The following MARCHF1 variants were observed in gnomAD, a reference collection of about 807,000 sequenced individuals.
MARCHF1 encodes the protein membrane associated ring-CH-type finger 1.
In MARCHF1, 40 loss-of-function variants were observed where a neutral mutation model predicts 54.2. That is an observed-to-expected ratio of 0.74 (90% CI 0.57 to 0.96). The LOEUF (loss-of-function observed/expected upper bound fraction) is 0.96. Among genes scored for constraint, MARCHF1 ranks in the 40% least tolerant of loss-of-function variants. MARCHF1 has a pLI of 0.00. For synonymous variants in MARCHF1, 236 were observed against 236.3 expected (o/e 1.00, Z 0.01); for missense variants, 586 against 656.5 (o/e 0.89, Z 1.17).
chr4:164,313,742 A>G (rs1734927779), intron 1 of MARCHF1, among the ~76,000 whole-genome samples: 1 of 152,180 alleles, frequency 6.6e-6, no homozygotes, highest in Non-Finnish European at 1.5e-5. Flanking sequence ...TAGATTTCCT[A>G]ACTCAGTGGA....
intron 5 of MARCHF1, among the ~76,000 whole-genome samples, chr4:163,679,937 G>A (rs1298408949): frequency 6.6e-6 from 1 of 151,000 alleles, no homozygotes; most frequent in Non-Finnish European, 1.5e-5. Context: ...TTTTACTTGG[G>A]CCAGCTGCAA....
intron 2 of MARCHF1, among the ~76,000 whole-genome samples, chr4:164,030,555 G>T (rs1753856547): frequency 6.6e-6 from 1 of 152,124 alleles, no homozygotes; most frequent in South Asian, 2.1e-4. Context: ...AACCATAAAT[G>T]ACATATATGA....
At chr4:164,332,415 T>G (rs1490805762) in intron 1 of MARCHF1, among the ~76,000 whole-genome samples, 1 of 152,196 alleles carries the variant, frequency 6.6e-6, no homozygotes, top group Non-Finnish European at 1.5e-5. Flanking sequence ...TAAATTTAGC[T>G]CAGGAAATGG....
chr4:164,170,667 G>A (rs1730501395), intron 1 of MARCHF1, among the ~76,000 whole-genome samples: 1 of 152,108 alleles, frequency 6.6e-6, no homozygotes, highest in Non-Finnish European at 1.5e-5. Flanking sequence ...ATTTTGGTGG[G>A]AGAAGCCTTC....
intron 2 of MARCHF1, among the ~76,000 whole-genome samples, chr4:164,103,092 C>T (rs1755608529): frequency 3.2e-5 from 2 of 62,088 alleles, no homozygotes; most frequent in South Asian, 5.4e-4. Flanking sequence ...GCACCCAATA[C>T]AGGAGCACCC....
chr4:164,383,501 T>C (rs1291780603), intron 1 of MARCHF1: 1 of 152,304 alleles, frequency 6.6e-6, no homozygotes, highest in African/African-American at 2.4e-5. Context: ...GCTCCGTGAC[T>C]AGTACCACGC....
chr4:163,661,122 A>G (rs1226661326), intron 5 of MARCHF1, among the ~76,000 whole-genome samples: 2 of 151,930 alleles, frequency 1.3e-5, no homozygotes, highest in Non-Finnish European at 2.9e-5. Context: ...TCCCTTGCCC[A>G]TCCATCTCTT....
At chr4:163,848,930 G>A (rs1749567581) in intron 4 of MARCHF1, among the ~76,000 whole-genome samples, 1 of 152,162 alleles carries the variant, frequency 6.6e-6, no homozygotes, top group African/African-American at 2.4e-5. Flanking sequence ...TAAAACGGCG[G>A]TGAGACTGGC....
At chr4:164,118,442 A>T (rs1285650524) in intron 1 of MARCHF1, among the ~76,000 whole-genome samples, 2 of 151,020 alleles carry the variant, frequency 1.3e-5, no homozygotes, top group Admixed American at 1.3e-4. Context: ...TATTTGTATA[A>T]ACATATAAAT....
At chr4:164,197,215 T>C (rs2111070354) in intron 1 of MARCHF1, 1 of 1,610,160 alleles carries the variant, frequency 6.2e-7, no homozygotes. Flanking sequence ...ACCCTCCTCC[T>C]CGTCATCCAG....
rs202173727 is a variant in MARCHF1, at chr4:163,720,471, G to A, written c.112-19608C>T. 7.6e-3 allele frequency among the ~76,000 whole-genome samples: 1,154 copies of A among 151,688 alleles called. 1 individual carries two copies. The highest frequency in any genetic ancestry group is 0.01 in the Admixed American group (159 of 15,238). On this transcript the variant is annotated intron_variant, in intron 4 of 9. Coordinates refer to ENST00000514618, the MANE Select transcript of MARCHF1 (RefSeq NM_001394959.1). ...TGAAGTCAGGTAGTGTGATGCCTCCGGCTTTGTTCTTTTGGCTTAAGATTG... is the reference window on the plus strand; with the variant it reads ...TGAAGTCAGGTAGTGTGATGCCTCCAGCTTTGTTCTTTTGGCTTAAGATTG...
intron 1 of MARCHF1, among the ~76,000 whole-genome samples, chr4:164,113,247 A>G (rs909124919): frequency 1.1e-4 from 17 of 152,090 alleles, no homozygotes; most frequent in Non-Finnish European, 2.2e-4. Context: ...GAAAACAAAC[A>G]GGAACAAGAA....
intron 1 of MARCHF1, among the ~76,000 whole-genome samples, chr4:164,224,553 C>A (rs1732199499): frequency 6.6e-6 from 1 of 151,818 alleles, no homozygotes; most frequent in African/African-American, 2.4e-5. Context: ...AGTCTATGTC[C>A]TAATAATCTA....
At chr4:163,930,608 A>G (rs1310549791) in intron 3 of MARCHF1, among the ~76,000 whole-genome samples, 1 of 151,458 alleles carries the variant, frequency 6.6e-6, no homozygotes, top group East Asian at 1.9e-4. Flanking sequence ...TGCCTGTTCC[A>G]CCATCATATT....
At chr4:164,016,614 T>C (rs1753548817) in intron 2 of MARCHF1, among the ~76,000 whole-genome samples, 1 of 151,986 alleles carries the variant, frequency 6.6e-6, no homozygotes, top group Non-Finnish European at 1.5e-5. Context: ...GAAAAATAAC[T>C]CATGGAGATA....
At chr4:163,700,528 A>AAGGAAG (rs1744777143) in intron 5 of MARCHF1, among the ~76,000 whole-genome samples, 1 of 114,488 alleles carries the variant, frequency 8.7e-6, no homozygotes, top group African/African-American at 3.4e-5. Context: ...AAAGAAAGAA[A>AAGGAAG]GAAGGAAGGA....
intron 2 of MARCHF1, among the ~76,000 whole-genome samples, chr4:163,997,085 A>G (rs904092403): frequency 6.6e-6 from 1 of 152,074 alleles, no homozygotes; most frequent in South Asian, 2.1e-4. Context: ...GATGATAGCA[A>G]TGGGCATCAA....
At chr4:163,771,842 T>G (rs1333205695) in intron 4 of MARCHF1, among the ~76,000 whole-genome samples, 1 of 152,188 alleles carries the variant, frequency 6.6e-6, no homozygotes, top group Non-Finnish European at 1.5e-5. Flanking sequence ...GGTTCTATTT[T>G]GAGAAACACG....
chr4:164,280,135 A>G (rs1264853052), intron 1 of MARCHF1, among the ~76,000 whole-genome samples: 1 of 151,944 alleles, frequency 6.6e-6, no homozygotes, highest in South Asian at 2.1e-4. Context: ...ATTAAGTGAG[A>G]TATTTTATAC....
Sources: allele counts gnomAD v4.1 joint callset (sites outside exome capture counted in the v4.1 genomes callset), GRCh38; gene constraint gnomAD v4.1.1; transcripts MANE v1.5; gene names NCBI Gene and HGNC (gene_info 2026-07-23, HGNC 2026-07-21).